SGCZ: variants seen among roughly 807,000 people sequenced by gnomAD.
SGCZ encodes the protein zeta-sarcoglycan.
A neutral mutation model predicts 41.3 loss-of-function variants in SGCZ; 40 were observed. That is an observed-to-expected ratio of 0.97 (90% confidence interval 0.75 to 1.26). SGCZ has a LOEUF of 1.26. Ranked by LOEUF, SGCZ falls within the 50% of genes most tolerant of loss-of-function variation. The pLI is 0.00. For synonymous variants in SGCZ, 206 were observed against 137.5 expected, an observed-to-expected ratio of 1.50 and a Z score of -3.49; for missense variants, 552 against 369.8, an observed-to-expected ratio of 1.49 and a Z score of -4.04.
chr8:15,066,141 T>C (rs966059877), intron 1 of SGCZ, among the ~76,000 whole-genome samples: 1 of 151,398 alleles, frequency 6.6e-6, no homozygotes, highest in Non-Finnish European at 1.5e-5. Flanking sequence ...ACCCCGTCTC[T>C]ACCAAAAATA....
intron 2 of SGCZ, among the ~76,000 whole-genome samples, chr8:14,333,541 C>A (rs988190272): frequency 1.3e-5 from 2 of 151,818 alleles, no homozygotes; most frequent in African/African-American, 4.8e-5. Flanking sequence ...GTTACTTTTT[C>A]AAATAAATTT....
chr8:14,326,592 G>A (rs1420381145), intron 2 of SGCZ, among the ~76,000 whole-genome samples: 1 of 152,094 alleles, frequency 6.6e-6, no homozygotes, highest in Admixed American at 6.6e-5. Flanking sequence ...GAAGAAATTT[G>A]TTCCTTGAGG....
chr8:15,158,729 G>T (rs1453387402), intron 1 of SGCZ, among the ~76,000 whole-genome samples: 1 of 152,126 alleles, frequency 6.6e-6, no homozygotes, highest in African/African-American at 2.4e-5. Flanking sequence ...TAAAGGTAAA[G>T]GAGTTTAGGA....
At chr8:15,231,365 C>A (rs1801932563) in intron 1 of SGCZ, among the ~76,000 whole-genome samples, 1 of 152,082 alleles carries the variant, frequency 6.6e-6, no homozygotes, top group Non-Finnish European at 1.5e-5. Context: ...AGTCAACGTA[C>A]AAACATGTTG....
At chr8:14,571,661 T>C (rs1171154964) in intron 1 of SGCZ, among the ~76,000 whole-genome samples, 3 of 152,222 alleles carry the variant, frequency 2.0e-5, no homozygotes, top group Admixed American at 1.3e-4. Flanking sequence ...CTATAATATT[T>C]AATTCTGTCT....
chr8:14,830,679 T>G (rs17120379), intron 1 of SGCZ, among the ~76,000 whole-genome samples: 19,229 of 152,156 alleles, frequency 0.13, 2,125 homozygotes, highest in African/African-American at 0.3. Context: ...GTGACTTTAG[T>G]TTGCAAAGGA....
At chr8:14,872,128 T>C (rs1044064075) in intron 1 of SGCZ, among the ~76,000 whole-genome samples, 5 of 151,508 alleles carry the variant, frequency 3.3e-5, no homozygotes, top group African/African-American at 1.2e-4. Context: ...TGAGAACATA[T>C]GGAAACAGGG....
intron 1 of SGCZ, among the ~76,000 whole-genome samples, chr8:14,842,548 A>G (rs1318626687): frequency 6.6e-6 from 1 of 151,922 alleles, no homozygotes; most frequent in Non-Finnish European, 1.5e-5. Flanking sequence ...AGGGAGGGAG[A>G]GAGAAAGCAG....
At chr8:14,138,645 C>G (rs892022431) in intron 5 of SGCZ, among the ~76,000 whole-genome samples, 1 of 152,160 alleles carries the variant, frequency 6.6e-6, no homozygotes. Context: ...AGCTAACTAT[C>G]CTAAATATAT....
chr8:14,172,478 C>T (rs11985639), intron 4 of SGCZ, among the ~76,000 whole-genome samples: 40,450 of 152,002 alleles, frequency 0.27, 7,128 homozygotes, highest in African/African-American at 0.5. Flanking sequence ...TATTGGTTAA[C>T]AGCACGAACG....
chr8:14,714,179 G>C (rs1809613560), intron 1 of SGCZ, among the ~76,000 whole-genome samples: 1 of 152,092 alleles, frequency 6.6e-6, no homozygotes, highest in Non-Finnish European at 1.5e-5. Flanking sequence ...ATGTTGGCCA[G>C]GCTGGTTTCG....
intron 4 of SGCZ, among the ~76,000 whole-genome samples, chr8:14,220,996 G>A (rs1327331840): frequency 7.2e-6 from 1 of 138,712 alleles, no homozygotes. Flanking sequence ...GTATTTATTT[G>A]GTGTGCCTAA....
At chr8:14,342,026 A>C (rs982320592) in intron 2 of SGCZ, among the ~76,000 whole-genome samples, 5 of 152,224 alleles carry the variant, frequency 3.3e-5, no homozygotes, top group African/African-American at 1.2e-4. Flanking sequence ...GGTAACAGGC[A>C]GAGGTTGGAA....
intron 3 of SGCZ, among the ~76,000 whole-genome samples, chr8:14,279,916 C>T (rs1294514046): frequency 6.6e-6 from 1 of 151,560 alleles, no homozygotes; most frequent in Non-Finnish European, 1.5e-5. Flanking sequence ...CTTATTTGTT[C>T]ACTAATATTT....
chr8:14,500,596 T>C (rs1802123653), intron 2 of SGCZ, among the ~76,000 whole-genome samples: 1 of 152,060 alleles, frequency 6.6e-6, no homozygotes, highest in African/African-American at 2.4e-5. Context: ...GATGTGGGTA[T>C]AGCTTACTCA....
At chr8:14,403,305 G>T (rs1400938218) in intron 2 of SGCZ, among the ~76,000 whole-genome samples, 3 of 150,120 alleles carry the variant, frequency 2.0e-5, no homozygotes, top group Non-Finnish European at 4.4e-5. Context: ...TCACTGCCTG[G>T]GCCAGAACTT....
chr8:14,253,597 G>C (rs941268986), intron 3 of SGCZ, among the ~76,000 whole-genome samples: 10 of 151,986 alleles, frequency 6.6e-5, no homozygotes, highest in African/African-American at 2.2e-4. Flanking sequence ...TATGTAAAGA[G>C]ATATAGTTCA....
chr8:14,656,530 C>CA, intron 1 of SGCZ, among the ~76,000 whole-genome samples: 1 of 142,404 alleles, frequency 7.0e-6, no homozygotes, highest in East Asian at 2.2e-4. Context: ...TCTTTTCTTT[C>CA]TTTTTTCTTT....
intron 1 of SGCZ, among the ~76,000 whole-genome samples, chr8:14,813,173 A>G (rs1801785375): frequency 6.6e-6 from 1 of 152,194 alleles, no homozygotes; most frequent in African/African-American, 2.4e-5. Context: ...AACGATGAAG[A>G]TTTGTTTTAA....
Sources: gnomAD v4.1 joint callset for allele counts (sites outside exome capture counted in the v4.1 genomes callset) on GRCh38, gnomAD v4.1.1 for gene constraint, MANE v1.5 for transcripts, NCBI Gene and HGNC (gene_info 2026-07-23, HGNC 2026-07-21) for gene names.